DOCK8: variants seen among roughly 807,000 people sequenced by gnomAD.
DOCK8 encodes the protein dedicator of cytokinesis 8, also known as dedicator of cytokinesis protein 8.
DOCK8 carries 141 observed loss-of-function variants against 245.6 expected under a neutral mutation model. The observed-to-expected ratio is 0.57, with a 90% CI of 0.50 to 0.66. The LOEUF is 0.66. DOCK8 is among the 30% of genes least tolerant of loss of function. DOCK8 has a pLI of 0.00. For synonymous variants in DOCK8, 1,168 were observed against 970.2 expected (o/e 1.20, Z -3.79); for missense variants, 2,965 against 2,603.4 (o/e 1.14, Z -3.02).
At chr9:234,844 T>G (rs1268915158) in intron 1 of DOCK8, among the ~76,000 whole-genome samples, 6 of 152,096 alleles carry the variant, frequency 3.9e-5, no homozygotes, top group Non-Finnish European at 8.8e-5. Flanking sequence ...TGGTTTGAAT[T>G]TCCTCCTGTA....
chr9:311,600 T>G (rs7033726), intron 5 of DOCK8, among the ~76,000 whole-genome samples: 23,311 of 151,956 alleles, frequency 0.15, 3,721 homozygotes, highest in African/African-American at 0.41. Context: ...TGCTCTGGTG[T>G]GAGACATGAG....
At chr9:220,602 A>G (rs986505358) in intron 1 of DOCK8, 2 of 269,640 alleles carry the variant, frequency 7.4e-6, no homozygotes, top group Non-Finnish European at 1.5e-5. Context: ...AAGAAACAAA[A>G]GCATTTAGTT....
intron 10 of DOCK8, among the ~76,000 whole-genome samples, chr9:332,934 A>G (rs1322183786): frequency 6.6e-6 from 1 of 152,104 alleles, no homozygotes; most frequent in East Asian, 1.9e-4. Flanking sequence ...TTGGGATTAC[A>G]GGCATGAGTC....
chr9:214,856 G>C (rs573514210), upstream of DOCK8: 69 of 1,602,392 alleles, frequency 4.3e-5, no homozygotes, highest in South Asian at 7.0e-4. Context: ...GAAGTTTCCA[G>C]CGCCGACCGA....
chr9:336,468 G>C (rs2051316863), intron 11 of DOCK8, 114 bp from the exon 12 acceptor site: 9 of 1,388,846 alleles, frequency 6.5e-6, no homozygotes, highest in Middle Eastern at 1.8e-4. Context: ...AACAAGGATG[G>C]CCATATTCAG....
At chr9:228,311 A>G (rs895692031) in intron 1 of DOCK8, among the ~76,000 whole-genome samples, 1 of 152,212 alleles carries the variant, frequency 6.6e-6, no homozygotes, top group Non-Finnish European at 1.5e-5. Context: ...GTGCTGTCTA[A>G]TATGCAACAA....
chr9:420,638 T>C lies in DOCK8; in HGVS notation c.4023+55T>C. The C allele has an allele frequency of 9.3e-6, 15 of 1,606,498 alleles. 1 individual carries two copies. The South Asian group carries it at 1.5e-4, about 17-fold the overall frequency. The stretch of plus-strand genomic sequence containing the variant: ...AGCTCTTATCTCTCAATTGCAATTC[T>C]GTCTTCTTACTCATCCCCTTTGTTT... On this transcript the variant is annotated intron_variant, in intron 31 of 47. Coordinates refer to ENST00000432829, the MANE Select transcript of DOCK8 (RefSeq NM_203447.4).
At chr9:244,276 CCACACACACA>C (rs149153053) in intron 1 of DOCK8, among the ~76,000 whole-genome samples, 2 of 149,834 alleles carry the variant, frequency 1.3e-5, no homozygotes, top group Admixed American at 6.7e-5. Flanking sequence ...ATTCCCCCCA[CCACACACACA>C]CACACACGCA....
At position 452,134 on chromosome 9, in the gene DOCK8, C is replaced by T. The variant is rs765659039; in HGVS notation, c.6068+17C>T. The T allele has an allele frequency of 3.6e-5, 55 of 1,543,362 alleles. No individual in the cohort carries two copies. The highest frequency in any genetic ancestry group is 4.5e-5 in the East Asian group (2 of 44,366). On this transcript the variant is annotated intron_variant, in intron 46 of 47. Transcript: ENST00000432829. ...CATCATGAGGTAAGAAGGAAAATGG[C>T]TGGGAATTTCAGTAGAGCAGTGGTT... is the stretch of plus-strand genomic sequence containing the variant.
At chr9:309,676 T>A (rs576081040) in intron 5 of DOCK8, among the ~76,000 whole-genome samples, 1 of 152,314 alleles carries the variant, frequency 6.6e-6, no homozygotes, top group East Asian at 1.9e-4. Flanking sequence ...ATTTTTTCCT[T>A]TTTGTTGTTG....
intron 32 of DOCK8, 114 bp from the exon 33 acceptor site, chr9:421,934 A>G: frequency 1.1e-6 from 1 of 935,156 alleles, no homozygotes; most frequent in East Asian, 2.6e-5. Context: ...CATGGACTCT[A>G]ATTAGCCCGA....
chr9:437,131 G>T (rs1376080284), intron 39 of DOCK8, among the ~76,000 whole-genome samples: 2 of 152,198 alleles, frequency 1.3e-5, no homozygotes, highest in Admixed American at 6.5e-5. Context: ...CAAGTGAAAG[G>T]ACACCCAACC....
At chr9:234,569 C>T (rs1472734958) in intron 1 of DOCK8, among the ~76,000 whole-genome samples, 3 of 152,172 alleles carry the variant, frequency 2.0e-5, no homozygotes, top group Non-Finnish European at 4.4e-5. Flanking sequence ...CACATAGTCC[C>T]ATATTTCTTG....
intron 40 of DOCK8, 147 bp downstream of exon 40, chr9:439,535 G>A: frequency 1.9e-6 from 2 of 1,045,762 alleles, no homozygotes; most frequent in Non-Finnish European, 2.8e-6. Flanking sequence ...TGGGCCCGGG[G>A]AGGACTTTGA....
Position 340,237 on chromosome 9 carries a change from C to G in DOCK8, c.1595C>G (p.Pro532Arg), listed in dbSNP as rs1206546054. 6.2e-7 allele frequency: 1 copy of G among 1,614,120 alleles called. No individual in the cohort carries two copies. Among genetic ancestry groups the G allele is most frequent in the Middle Eastern group, 1.6e-4 (1 of 6,062 alleles). The change falls in exon 14 of 48, where the codon CCC becomes CGC. Residue 532 changes from proline (P) to arginine (R), a missense_variant. This residue lies in a region of DOCK8 where 2,825 missense variants were observed against 2,453.5 expected (regional missense o/e 1.15). Transcript: ENST00000432829. Reference sequence around the variant, plus strand: ...ACTCCTGAAATGCTGCCCGTGAAACCCTTTCCTGAAAACCGGACACGCCCG... The same window carrying G: ...ACTCCTGAAATGCTGCCCGTGAAACGCTTTCCTGAAAACCGGACACGCCCG... Reference protein sequence around the residue: ...CLTPEMLPVKPFPENRTRPHK... With the variant: ...CLTPEMLPVKRFPENRTRPHK...
In DOCK8 at chr9:404,937, A is replaced by G. The variant is rs527474230; in HGVS notation, c.3254A>G (p.Asn1085Ser). Residue 1085 changes from asparagine to serine, a missense_variant, in exon 27 of 48, where the codon AAC becomes AGC. Physicochemically the swap from Asn to Ser is conservative, Grantham distance 46. Coordinates refer to ENST00000432829, the MANE Select transcript of DOCK8 (RefSeq NM_203447.4). ...TCCCAGCTGTCAGCCAAGCTCAGTA[A>G]CCTTCCAACGCTCATTTCCATGAGG... ...YCSQLSAKLS[N>S]LPTLISMRLE... 4.1e-5 allele frequency: 66 copies of G among 1,614,046 alleles called. 1 individual carries two copies. The East Asian group carries it at 1.4e-3, about 35-fold the overall frequency.
intron 20 of DOCK8, among the ~76,000 whole-genome samples, chr9:378,484 T>C (rs1267260335): frequency 2.0e-5 from 3 of 152,224 alleles, no homozygotes; most frequent in African/African-American, 4.8e-5. Context: ...CACCCTGATA[T>C]GCATCTTCTG....
At chr9:243,183 G>T (rs1563834679) in intron 1 of DOCK8, among the ~76,000 whole-genome samples, 1 of 152,148 alleles carries the variant, frequency 6.6e-6, no homozygotes, top group Non-Finnish European at 1.5e-5. Context: ...TATAAAGCAT[G>T]AAACTTGATT....
At chr9:267,367 G>C (rs2048060418) in intron 1 of DOCK8, among the ~76,000 whole-genome samples, 1 of 152,064 alleles carries the variant, frequency 6.6e-6, no homozygotes, top group Non-Finnish European at 1.5e-5. Context: ...CACCATACCT[G>C]GCTAATTTTT....
Sources: allele counts gnomAD v4.1 joint callset (sites outside exome capture counted in the v4.1 genomes callset), GRCh38; gene constraint gnomAD v4.1.1; regional missense constraint gnomAD v4.1.1; transcripts MANE v1.5; gene names NCBI Gene and HGNC (gene_info 2026-07-23, HGNC 2026-07-21).